SHCBP1: variants seen among roughly 807,000 people sequenced by gnomAD.
The protein encoded by SHCBP1 is SHC SH2 domain-binding protein 1.
SHCBP1 carries 60 observed loss-of-function variants against 75.1 expected under a neutral mutation model. The ratio of observed to expected loss-of-function variants is 0.80; its 90% CI spans 0.65 to 0.99. The LOEUF (loss-of-function observed/expected upper bound fraction) is 0.99. Among genes scored for constraint, SHCBP1 ranks in the 50% least tolerant of loss-of-function variants. SHCBP1 has a pLI of 0.00. For synonymous variants in SHCBP1, 290 were observed against 293.2 expected (o/e 0.99, Z 0.11); for missense variants, 709 against 809.4 (o/e 0.88, Z 1.50).
intron 5 of SHCBP1, among the ~76,000 whole-genome samples, chr16:46,606,783 T>C (rs7186662): frequency 0.13 from 19,803 of 151,886 alleles, 1,376 homozygotes; most frequent in Non-Finnish European, 0.16. Context: ...CACACATACA[T>C]AATTCTAAAC....
At position 46,604,114 on chromosome 16, in the gene SHCBP1, T is replaced by TTTGC; in HGVS notation, c.952_953insGCAA (p.Asn318SerfsTer42). 3.7e-6 allele frequency: 6 copies of TTTGC among 1,614,194 alleles called. No homozygotes were observed. Among genetic ancestry groups the TTTGC allele is most frequent in the Non-Finnish European group, 5.1e-6 (6 of 1,180,036 alleles). ...GGAACGGACACCCTTTGCTTGGATG[T>TTTGC]TAGAATTCTTCTGATAACCAAACAC... On this transcript the variant is annotated frameshift_variant, in exon 7 of 13. Coordinates refer to ENST00000303383, the MANE Select transcript of SHCBP1 (RefSeq NM_024745.5). LOFTEE classifies it high-confidence loss of function.
chr16:46,593,407 T>C (rs1216165573), intron 10 of SHCBP1, among the ~76,000 whole-genome samples: 3 of 152,192 alleles, frequency 2.0e-5, no homozygotes, highest in African/African-American at 7.2e-5. Context: ...AACATTTGTA[T>C]GCTGAAGAGT....
intron 8 of SHCBP1, among the ~76,000 whole-genome samples, chr16:46,602,969 T>C (rs1965264666): frequency 6.6e-6 from 1 of 152,204 alleles, no homozygotes; most frequent in Non-Finnish European, 1.5e-5. Context: ...AACATTAATC[T>C]TTTCTAAAGT....
intron 10 of SHCBP1, among the ~76,000 whole-genome samples, chr16:46,593,264 T>C (rs1303163452): frequency 1.3e-5 from 2 of 152,054 alleles, no homozygotes; most frequent in African/African-American, 4.8e-5. Context: ...AACAAAGTCA[T>C]AGGATATAGC....
rs1403232551 is a variant in SHCBP1, at chr16:46,581,710, T to C, written c.*19A>G. On this transcript the variant is annotated 3_prime_UTR_variant, in exon 13 of 13. Transcript: ENST00000303383. The stretch of plus-strand genomic sequence containing the variant: ...ATGTGCAAAATCCAGTATTTTGCTA[T>C]CTACTTACATCACTGTAGTCAGAAA... The C allele has an allele frequency of 1.3e-6, 2 of 1,596,324 alleles. No homozygotes were observed. The highest frequency in any genetic ancestry group is 1.3e-5 in the African/African-American group (1 of 74,460).
intron 5 of SHCBP1, among the ~76,000 whole-genome samples, chr16:46,607,406 G>A (rs1170241417): frequency 6.6e-6 from 1 of 152,096 alleles, no homozygotes; most frequent in Non-Finnish European, 1.5e-5. Context: ...TTACAGGTGT[G>A]AGTCACCATG....
At chr16:46,609,442 C>CTTTTTTTTTTTTTT (rs71158875) in intron 4 of SHCBP1, among the ~76,000 whole-genome samples, 2 of 61,304 alleles carry the variant, frequency 3.3e-5, no homozygotes, top group Non-Finnish European at 2.8e-5. Flanking sequence ...CTTTTCTTTT[C>CTTTTTTTTTTTTTT]TTTTTTTTTT....
In SHCBP1 at chr16:46,581,493, A is replaced by G; in HGVS notation, c.*236T>C. ...AGAACCATGTGTATAAGAAAGCAAGACTTTCAGATAAGCAATCTCCAAATA... is the reference window on the plus strand; with the variant it reads ...AGAACCATGTGTATAAGAAAGCAAGGCTTTCAGATAAGCAATCTCCAAATA... On this transcript the variant is annotated 3_prime_UTR_variant, in exon 13 of 13. Coordinates refer to ENST00000303383, the MANE Select transcript of SHCBP1 (RefSeq NM_024745.5). 2.1e-6 allele frequency: 1 copy of G among 476,188 alleles called. No homozygotes were observed. The highest frequency in any genetic ancestry group is 3.7e-6 in the Non-Finnish European group (1 of 269,492). The allele number at this position is 476,188 out of a possible 1,614,324, so 29.5% of individuals were successfully genotyped here. A position where few individuals can be genotyped will look rare whatever the true frequency, so the allele number is the denominator to read the frequency against.
chr16:46,603,522 G>A lies in SHCBP1; in HGVS notation c.1213+17C>T, dbSNP rs761818692. On this transcript the variant is annotated intron_variant, in intron 8 of 12. Transcript: ENST00000303383. ...ATATCACGTGTGAGAGTTTGGTTGT[G>A]TGTCTTCCATACTCACCTTCCAACT... 1 of 1,613,850 alleles carries A rather than the reference G, an allele frequency of 6.2e-7. No individual in the cohort carries two copies.
In SHCBP1 at chr16:46,620,585, G is replaced by A. The variant is rs569364368; in HGVS notation, c.103+672C>T. 2.0e-5 allele frequency: 3 copies of A among 152,316 alleles called. No individual in the cohort carries two copies. In the South Asian group the frequency reaches 6.2e-4, roughly 32 times the overall value. The allele number at this position is 152,316 out of a possible 1,614,324, so 9.4% of individuals were successfully genotyped here. A position where few individuals can be genotyped will look rare whatever the true frequency, so the allele number is the denominator to read the frequency against. ...CAAGTGACTTTTGCCAGTTGGATAG[G>A]TGGGTTAATAGTGGAATTGTCACAC... On this transcript the variant is annotated intron_variant, in intron 1 of 12. Coordinates refer to ENST00000303383, the MANE Select transcript of SHCBP1 (RefSeq NM_024745.5).
chr16:46,619,951 T>C (rs545225805), intron 1 of SHCBP1, among the ~76,000 whole-genome samples: 25 of 152,178 alleles, frequency 1.6e-4, no homozygotes, highest in African/African-American at 6.0e-4. Flanking sequence ...AGGAGAATCA[T>C]TTGAACCCGG....
intron 11 of SHCBP1, 48 bp downstream of exon 11, chr16:46,583,955 T>G (rs1964910711): frequency 6.7e-7 from 1 of 1,488,624 alleles, no homozygotes; most frequent in Non-Finnish European, 9.2e-7. Flanking sequence ...AATTTGTAGG[T>G]AAAACCATTC....
rs1327561284 is a variant in SHCBP1 at position 46,602,734 on chromosome 16, G to A, written c.1213+805C>T. ...CAACCTCCACCTCCCAGGTTCAAGC[G>A]ATTGTTCTGCCTCAGCCTCCCAAGT... On this transcript the variant is annotated intron_variant, in intron 8 of 12. Coordinates refer to ENST00000303383, the MANE Select transcript of SHCBP1 (RefSeq NM_024745.5). Among the ~76,000 whole-genome samples, 10 of 152,272 alleles carry A rather than the reference G, an allele frequency of 6.6e-5. No homozygotes were observed. In the South Asian group the frequency reaches 1.0e-3, roughly 16 times the overall value.
intron 10 of SHCBP1, among the ~76,000 whole-genome samples, chr16:46,585,889 T>A (rs1964948604): frequency 6.6e-6 from 1 of 151,732 alleles, no homozygotes. Context: ...AAGAAGGAGC[T>A]CCCCCACCCA....
At chr16:46,610,718 C>T (rs188282098) in intron 4 of SHCBP1, among the ~76,000 whole-genome samples, 3 of 151,424 alleles carry the variant, frequency 2.0e-5, no homozygotes, top group Non-Finnish European at 4.4e-5. Flanking sequence ...GCTACCACGC[C>T]CTGCTATTTT....
intron 10 of SHCBP1, among the ~76,000 whole-genome samples, chr16:46,586,176 G>T (rs1466850183): frequency 6.6e-6 from 1 of 152,196 alleles, no homozygotes; most frequent in South Asian, 2.1e-4. Context: ...TTAACTGACA[G>T]TGATTTTAAA....
Position 46,595,787 on chromosome 16 carries a change from A to T in SHCBP1, c.1346-117T>A, listed in dbSNP as rs1051019921. ...AATATTTCTCAATGGCTATCATTTA[A>T]ATTTTCTTACCTAAATTACAAATTC... On this transcript the variant is annotated intron_variant, in intron 9 of 12. Coordinates refer to ENST00000303383, the MANE Select transcript of SHCBP1 (RefSeq NM_024745.5). The T allele has an allele frequency of 5.0e-6, 3 of 597,868 alleles. No homozygotes were observed. In the East Asian group the frequency reaches 9.1e-5, roughly 18 times the overall value. 37.0% of individuals were successfully genotyped at this position (597,868 alleles called of 1,614,324 possible). A position where few individuals can be genotyped will look rare whatever the true frequency, so the allele number is the denominator to read the frequency against.
chr16:46,616,185 T>C lies in SHCBP1; in HGVS notation c.388-31A>G, dbSNP rs1459418729. ...ATTTAAAATAATGTGACTTAACACATGGAAATCAAAATGAAGATACACCTA... is the reference window on the plus strand; with the variant it reads ...ATTTAAAATAATGTGACTTAACACACGGAAATCAAAATGAAGATACACCTA... On this transcript the variant is annotated intron_variant, in intron 3 of 12. Coordinates refer to ENST00000303383, the MANE Select transcript of SHCBP1 (RefSeq NM_024745.5). The surrounding 1 kb of genome is among the most constrained non-coding windows in gnomAD (Gnocchi z 4.4). 12 of 1,598,242 alleles carry C rather than the reference T, an allele frequency of 7.5e-6. No homozygotes were observed. Among genetic ancestry groups the C allele is most frequent in the Admixed American group, 6.9e-5 (4 of 58,288 alleles).
intron 5 of SHCBP1, among the ~76,000 whole-genome samples, 191 bp downstream of exon 5, chr16:46,608,106 A>G (rs886123617): frequency 1.1e-4 from 17 of 152,130 alleles, no homozygotes; most frequent in Admixed American, 1.0e-3. Flanking sequence ...TCATTTAATG[A>G]CTTGTCAAGG....
Sources: allele counts gnomAD v4.1 joint callset (sites outside exome capture counted in the v4.1 genomes callset), GRCh38; gene constraint gnomAD v4.1.1; non-coding constraint Gnocchi (gnomAD v3.1); transcripts MANE v1.5; gene names NCBI Gene and HGNC (gene_info 2026-07-23, HGNC 2026-07-21).